Variants in GRID2 observed in about 807,000 individuals in gnomAD.
The protein encoded by GRID2 is glutamate receptor ionotropic, delta-2.
Under a neutral mutation model 114.8 loss-of-function variants are expected in GRID2, and 33 were observed. The observed-to-expected ratio is 0.29, with a 90% CI of 0.22 to 0.38. The LOEUF is 0.38. Among genes scored for constraint, GRID2 ranks in the 10% least tolerant of loss-of-function variants. GRID2 has a pLI of 1.00. For missense variants in GRID2, 1,184 were observed against 1,257.7 expected (o/e 0.94, Z 0.89); for synonymous variants, 505 against 449.9 (o/e 1.12, Z -1.55).
At chr4:93,183,222 C>T (rs1452466605) in intron 4 of GRID2, among the ~76,000 whole-genome samples, 1 of 151,940 alleles carries the variant, frequency 6.6e-6, no homozygotes, top group Non-Finnish European at 1.5e-5. Flanking sequence ...TGAGGTGATC[C>T]ATTTGGGTAA....
At chr4:92,556,182 C>G (rs374601059) in intron 1 of GRID2, among the ~76,000 whole-genome samples, 1 of 152,052 alleles carries the variant, frequency 6.6e-6, no homozygotes, top group East Asian at 1.9e-4. Flanking sequence ...CCAATAAATT[C>G]TAATAACAAA....
chr4:93,243,506 A>G (rs1317506561), intron 8 of GRID2, among the ~76,000 whole-genome samples: 2 of 152,040 alleles, frequency 1.3e-5, no homozygotes, highest in Non-Finnish European at 2.9e-5. Flanking sequence ...TTCTGCTGCC[A>G]GTGGCTCAGT....
At chr4:92,445,451 A>G (rs767787718) in intron 1 of GRID2, among the ~76,000 whole-genome samples, 7 of 152,152 alleles carry the variant, frequency 4.6e-5, no homozygotes, top group Admixed American at 2.0e-4. Context: ...TCAGCCATGG[A>G]GATATTGAAG....
intron 13 of GRID2, among the ~76,000 whole-genome samples, chr4:93,607,675 C>G (rs1056433603): frequency 9.2e-5 from 14 of 152,024 alleles, no homozygotes; most frequent in African/African-American, 1.2e-4. Flanking sequence ...TACACTTCTC[C>G]ATACATCTCC....
In GRID2 at chr4:93,773,636, A is replaced by G. The variant is rs979962145; in HGVS notation, c.*1138A>G. The G allele has an allele frequency of 2.1e-4, 32 of 152,120 alleles. No individual in the cohort carries two copies. The highest frequency in any genetic ancestry group is 1.8e-4 in the Non-Finnish European group (12 of 67,974). 9.4% of individuals were successfully genotyped at this position (152,120 alleles called of 1,614,324 possible). The stretch of plus-strand genomic sequence containing the variant: ...CTCTAGAAGAGTTGAAACATAGATC[A>G]TTGAAGGTTAAAAATCCTCTTCCAA... On this transcript the variant is annotated 3_prime_UTR_variant, in exon 16 of 16. Transcript: ENST00000282020.
intron 11 of GRID2, among the ~76,000 whole-genome samples, chr4:93,459,807 C>G (rs1052610529): frequency 2.0e-5 from 3 of 152,240 alleles, no homozygotes; most frequent in Middle Eastern, 6.8e-3. Context: ...AGAATTTGAA[C>G]CTTCTTAGCC....
intron 2 of GRID2, among the ~76,000 whole-genome samples, chr4:93,077,267 G>A (rs1246223321): frequency 1.3e-5 from 2 of 152,094 alleles, no homozygotes; most frequent in Non-Finnish European, 2.9e-5. Flanking sequence ...AGAAATAATC[G>A]AAGATGACTT....
At chr4:93,240,152 C>A (rs190138103) in intron 8 of GRID2, among the ~76,000 whole-genome samples, 1 of 151,564 alleles carries the variant, frequency 6.6e-6, no homozygotes, top group African/African-American at 2.4e-5. Flanking sequence ...GGTTTTGTAT[C>A]CAGAAGTAGA....
chr4:92,386,627 A>G (rs1729974251), intron 1 of GRID2, among the ~76,000 whole-genome samples: 1 of 151,620 alleles, frequency 6.6e-6, no homozygotes, highest in African/African-American at 2.4e-5. Flanking sequence ...AAATTAAGGC[A>G]ATTTTAGAAA....
At chr4:92,384,572 TATAAAATATATTATATTATATATAAC>T (rs1729814522) in intron 1 of GRID2, among the ~76,000 whole-genome samples, 1 of 72,348 alleles carries the variant, frequency 1.4e-5, no homozygotes, top group Admixed American at 1.9e-4. Flanking sequence ...TAATATAATA[TATAAAATATATTATATTATATATAAC>T]ATAATATATA....
chr4:92,543,628 C>T (rs1726090444), intron 1 of GRID2, among the ~76,000 whole-genome samples: 1 of 152,076 alleles, frequency 6.6e-6, no homozygotes, highest in Admixed American at 6.6e-5. Context: ...AAAACCAACA[C>T]CAGAACCTGG....
rs915652073 is a variant in GRID2 at position 93,148,855 on chromosome 4, G to A, written c.735+37902G>A. Among the ~76,000 whole-genome samples, 3 of 152,202 alleles carry A rather than the reference G, an allele frequency of 2.0e-5. No homozygotes were observed. In the South Asian group the frequency reaches 6.2e-4, roughly 32 times the overall value. Reference sequence around the variant, plus strand: ...AATAAATATTTCATGACTAAAGCAAGTAATATAGAAACATTATATATATTT... The same window carrying A: ...AATAAATATTTCATGACTAAAGCAAATAATATAGAAACATTATATATATTT... On this transcript the variant is annotated intron_variant, in intron 4 of 15. Transcript: ENST00000282020.
intron 14 of GRID2, among the ~76,000 whole-genome samples, chr4:93,740,818 G>T (rs764854574): frequency 6.6e-6 from 1 of 151,168 alleles, no homozygotes; most frequent in African/African-American, 2.4e-5. Context: ...ACTTGGGGGG[G>T]CAAGGATATT....
chr4:93,344,144 G>C (rs1001474324), intron 8 of GRID2, among the ~76,000 whole-genome samples: 1 of 152,006 alleles, frequency 6.6e-6, no homozygotes, highest in Non-Finnish European at 1.5e-5. Context: ...AGAAGTAATA[G>C]GTAATAGGAA....
At chr4:92,311,116 T>G (rs540590377) in intron 1 of GRID2, among the ~76,000 whole-genome samples, 1 of 152,158 alleles carries the variant, frequency 6.6e-6, no homozygotes, top group East Asian at 1.9e-4. Flanking sequence ...TATAGAACAC[T>G]GCAAAATTAG....
chr4:93,439,728 A>G (rs551543341), intron 10 of GRID2, among the ~76,000 whole-genome samples: 1 of 152,170 alleles, frequency 6.6e-6, no homozygotes, highest in Non-Finnish European at 1.5e-5. Flanking sequence ...AAATAATTTA[A>G]AAACTAGAGG....
intron 2 of GRID2, among the ~76,000 whole-genome samples, chr4:92,962,844 A>T (rs184424488): frequency 6.6e-6 from 1 of 152,086 alleles, no homozygotes; most frequent in East Asian, 1.9e-4. Flanking sequence ...GCCCAGCAAT[A>T]GTTCCCACAG....
chr4:93,618,994 T>A (rs1190099503), intron 13 of GRID2, among the ~76,000 whole-genome samples: 5 of 152,124 alleles, frequency 3.3e-5, no homozygotes, highest in Non-Finnish European at 7.4e-5. Flanking sequence ...AGGCAAGAAA[T>A]AAGATTTAGA....
chr4:92,575,294 A>G (rs891332216), intron 1 of GRID2, among the ~76,000 whole-genome samples: 1 of 152,102 alleles, frequency 6.6e-6, no homozygotes, highest in African/African-American at 2.4e-5. Context: ...TTTTATCTGC[A>G]TTTTGAAGTC....
Sources: gnomAD v4.1 joint callset for allele counts (sites outside exome capture counted in the v4.1 genomes callset) on GRCh38, gnomAD v4.1.1 for gene constraint, MANE v1.5 for transcripts, NCBI Gene and HGNC (gene_info 2026-07-23, HGNC 2026-07-21) for gene names.